COMMD10: variants seen among roughly 807,000 people sequenced by gnomAD.
COMMD10 encodes the protein COMM domain containing 10, also known as COMM domain-containing protein 10.
A neutral mutation model predicts 28.9 loss-of-function variants in COMMD10; 33 were observed. The ratio of observed to expected loss-of-function variants is 1.14; its 90% CI spans 0.87 to 1.53. The LOEUF (loss-of-function observed/expected upper bound fraction) is 1.53, where lower values mean the gene tolerates loss of function less well. COMMD10 is among the 40% of genes most tolerant of loss of function. The probability of loss-of-function intolerance (pLI) is 0.00; values close to 1 mark genes in which losing one functional copy is unlikely to be tolerated. For synonymous variants in COMMD10, 110 were observed against 81.7 expected, an observed-to-expected ratio of 1.35 and a Z score of -1.87; for missense variants, 310 against 233.4, an observed-to-expected ratio of 1.33 and a Z score of -2.14.
intron 5 of COMMD10, among the ~76,000 whole-genome samples, chr5:116,275,724 A>G (rs1339834013): frequency 6.6e-6 from 1 of 151,738 alleles, no homozygotes; most frequent in African/African-American, 2.4e-5. Context: ...TAAGTATATA[A>G]TTAGAAAGTT....
intron 4 of COMMD10, among the ~76,000 whole-genome samples, chr5:116,097,094 A>G (rs532560168): frequency 1.2e-4 from 18 of 151,994 alleles, no homozygotes; most frequent in African/African-American, 4.3e-4. Flanking sequence ...TAAAGGTAAT[A>G]TTTTTCCCAT....
chr5:116,144,907 G>C (rs1276039226), intron 5 of COMMD10, among the ~76,000 whole-genome samples: 2 of 151,734 alleles, frequency 1.3e-5, no homozygotes, highest in Non-Finnish European at 2.9e-5. Flanking sequence ...CAGATCCATT[G>C]GGGGAGAAAA....
intron 5 of COMMD10, among the ~76,000 whole-genome samples, chr5:116,167,180 C>G (rs1192762032): frequency 1.3e-5 from 2 of 151,812 alleles, no homozygotes; most frequent in African/African-American, 2.4e-5. Context: ...CTGAAAAACA[C>G]AGCACAAGAA....
intron 5 of COMMD10, among the ~76,000 whole-genome samples, chr5:116,150,875 C>T (rs1220201608): frequency 1.1e-4 from 16 of 149,508 alleles, no homozygotes; most frequent in African/African-American, 3.7e-4. Context: ...ATTGCCCTGG[C>T]CAGAACTTCC....
chr5:116,225,165 C>G (rs993691894), intron 5 of COMMD10, among the ~76,000 whole-genome samples: 3 of 151,698 alleles, frequency 2.0e-5, no homozygotes, highest in Non-Finnish European at 2.9e-5. Flanking sequence ...CTTTTTTTCT[C>G]TTGAGATTTA....
At chr5:116,203,662 A>G (rs1748732980) in intron 5 of COMMD10, among the ~76,000 whole-genome samples, 1 of 152,178 alleles carries the variant, frequency 6.6e-6, no homozygotes, top group Admixed American at 6.5e-5. Flanking sequence ...TGAAGGAGAA[A>G]TAAAATACTT....
intron 4 of COMMD10, 86 bp from the exon 5 acceptor site, chr5:116,133,982 A>G (rs531126185): frequency 3.8e-6 from 3 of 796,926 alleles, no homozygotes; most frequent in Admixed American, 3.8e-5. Flanking sequence ...ATCCATATAC[A>G]TTCCTGCTGA....
intron 1 of COMMD10, among the ~76,000 whole-genome samples, chr5:116,086,878 G>T (rs747924954): frequency 6.6e-6 from 1 of 152,176 alleles, no homozygotes; most frequent in Non-Finnish European, 1.5e-5. Flanking sequence ...TTGGGAGGCT[G>T]AGGCACAAGG....
chr5:116,230,156 A>G (rs1749494063), intron 5 of COMMD10, among the ~76,000 whole-genome samples: 1 of 152,074 alleles, frequency 6.6e-6, no homozygotes, highest in Non-Finnish European at 1.5e-5. Context: ...CTCAAAGAGC[A>G]TCGTAATCTC....
chr5:116,237,834 C>G (rs1167870002), intron 5 of COMMD10, among the ~76,000 whole-genome samples: 1 of 152,054 alleles, frequency 6.6e-6, no homozygotes, highest in Non-Finnish European at 1.5e-5. Flanking sequence ...CTGATCTGTA[C>G]TAATATCATC....
chr5:116,115,941 A>T (rs139476792), intron 4 of COMMD10, among the ~76,000 whole-genome samples: 63 of 152,252 alleles, frequency 4.1e-4, no homozygotes, highest in African/African-American at 1.3e-3. Flanking sequence ...TGGTTTTGTC[A>T]GGGAGTTTTA....
intron 5 of COMMD10, chr5:116,218,219 G>T (rs1749154828): frequency 1.3e-6 from 1 of 761,174 alleles, no homozygotes; most frequent in Non-Finnish European, 2.4e-6. Flanking sequence ...GGACAACCTT[G>T]CAGATCTTCT....
At chr5:116,247,879 G>C (rs1749994453) in intron 5 of COMMD10, among the ~76,000 whole-genome samples, 1 of 151,918 alleles carries the variant, frequency 6.6e-6, no homozygotes, top group Non-Finnish European at 1.5e-5. Flanking sequence ...TTAATATCTG[G>C]TTGATGAAAT....
intron 5 of COMMD10, among the ~76,000 whole-genome samples, chr5:116,155,168 A>C (rs1056468954): frequency 1.3e-5 from 2 of 152,236 alleles, no homozygotes; most frequent in East Asian, 3.9e-4. Context: ...TAGGGCTTAC[A>C]CTTTTTCAGG....
intron 4 of COMMD10, among the ~76,000 whole-genome samples, chr5:116,124,697 G>A (rs1358885886): frequency 6.6e-6 from 1 of 152,068 alleles, no homozygotes; most frequent in African/African-American, 2.4e-5. Flanking sequence ...TTATTGTATG[G>A]GAGTCTAAGT....
At chr5:116,156,684 T>C (rs527616214) in intron 5 of COMMD10, among the ~76,000 whole-genome samples, 1 of 152,312 alleles carries the variant, frequency 6.6e-6, no homozygotes, top group East Asian at 1.9e-4. Context: ...AGGCATTCTT[T>C]AATCTAATTC....
At chr5:116,145,211 T>G (rs2112542821) in intron 5 of COMMD10, among the ~76,000 whole-genome samples, 1 of 151,948 alleles carries the variant, frequency 6.6e-6, no homozygotes, top group East Asian at 1.9e-4. Context: ...ATTGGACAAT[T>G]GAACAAACTG....
chr5:116,210,574 T>G (rs1486538198), intron 5 of COMMD10, among the ~76,000 whole-genome samples: 2 of 152,074 alleles, frequency 1.3e-5, no homozygotes, highest in African/African-American at 2.4e-5. Context: ...AAACTTACTA[T>G]TAGACATTGT....
chr5:116,264,946 T>C (rs1398670538), intron 5 of COMMD10, among the ~76,000 whole-genome samples: 1 of 151,870 alleles, frequency 6.6e-6, no homozygotes, highest in Non-Finnish European at 1.5e-5. Flanking sequence ...TCAGAGTAGC[T>C]AACATTTAAT....
Sources: gnomAD v4.1 joint callset for allele counts (sites outside exome capture counted in the v4.1 genomes callset) on GRCh38, gnomAD v4.1.1 for gene constraint, MANE v1.5 for transcripts, NCBI Gene and HGNC (gene_info 2026-07-23, HGNC 2026-07-21) for gene names.